BAHCC1: variants seen among roughly 807,000 people sequenced by gnomAD.
The protein encoded by BAHCC1 is BAH domain and coiled-coil containing 1.
In BAHCC1, 43 loss-of-function variants were observed where a neutral mutation model predicts 88.2. The observed-to-expected ratio is 0.49, with a 90% confidence interval of 0.38 to 0.63. The LOEUF (loss-of-function observed/expected upper bound fraction) is 0.63. Among genes scored for constraint, BAHCC1 ranks in the 20% least tolerant of loss-of-function variants. The pLI is 0.00. For missense variants in BAHCC1, 3,023 were observed against 1,654.8 expected, an observed-to-expected ratio of 1.83 and a Z score of -14.34; for synonymous variants, 1,510 against 745.5, an observed-to-expected ratio of 2.03 and a Z score of -16.71.
chr17:81,397,406 A>C (rs1186275782), intron 1 of BAHCC1, among the ~76,000 whole-genome samples: 4 of 150,274 alleles, frequency 2.7e-5, no homozygotes, highest in African/African-American at 9.8e-5. Flanking sequence ...AAAAAAAAAA[A>C]AAAAAACAAC....
intron 2 of BAHCC1, chr17:81,407,211 G>T (rs1018164492): frequency 2.5e-6 from 1 of 407,810 alleles, no homozygotes; most frequent in Non-Finnish European, 4.9e-6. Flanking sequence ...AGAAATGGGG[G>T]ATGGGTGTGC....
intron 2 of BAHCC1, among the ~76,000 whole-genome samples, chr17:81,407,601 G>A (rs1379452326): frequency 6.6e-6 from 1 of 152,226 alleles, no homozygotes; most frequent in Non-Finnish European, 1.5e-5. Context: ...AAGGGGCTGC[G>A]CTGTGGGGCA....
intron 2 of BAHCC1, among the ~76,000 whole-genome samples, chr17:81,416,149 T>C (rs1288257762): frequency 7.0e-6 from 1 of 142,860 alleles, no homozygotes; most frequent in Non-Finnish European, 1.5e-5. Context: ...CGTGTGTCCA[T>C]GAGGATGGGT....
chr17:81,449,023 C>T (rs918897357), intron 11 of BAHCC1, among the ~76,000 whole-genome samples: 1 of 152,198 alleles, frequency 6.6e-6, no homozygotes, highest in African/African-American at 2.4e-5. Flanking sequence ...CATGAGGAGG[C>T]GTCAGTAGAT....
rs539582126 is a variant in BAHCC1 at position 81,458,443 on chromosome 17, A to C, written c.5320A>C (p.Thr1774Pro). 3.3e-4 allele frequency: 243 copies of C among 732,254 alleles called. 3 individuals are homozygous for C. The highest frequency in any genetic ancestry group is 3.3e-3 in the South Asian group (227 of 68,698). The allele number at this position is 732,254 out of a possible 1,614,324, so 45.4% of individuals were successfully genotyped here. A position where few individuals can be genotyped will look rare whatever the true frequency, so the allele number is the denominator to read the frequency against. Residue 1774 changes from threonine to proline, a missense_variant, in exon 18 of 28, where the codon ACA becomes CCA. Physicochemically the swap from Thr to Pro is conservative, Grantham distance 38 (BLOSUM62 -1). Transcript: ENST00000675386. Reference protein sequence around the residue: ...ERLKRATRKGTVLQPVLRRKN... With the variant: ...ERLKRATRKGPVLQPVLRRKN... ...CCTCAAGAGGGCCACGCGCAAGGGC[A>C]CAGTGCTGCAGCCAGTGCTGCGGGT...
At chr17:81,407,825 A>G (rs909413728) in intron 2 of BAHCC1, among the ~76,000 whole-genome samples, 4 of 152,186 alleles carry the variant, frequency 2.6e-5, no homozygotes, top group Admixed American at 1.3e-4. Context: ...TGCTCACACC[A>G]TGAGGCAGGT....
In BAHCC1 at chr17:81,451,835, C is replaced by T; in HGVS notation, c.4144C>T (p.Gln1382Ter). 1 of 753,744 alleles carries T rather than the reference C, an allele frequency of 1.3e-6. No homozygotes were observed. The highest frequency in any genetic ancestry group is 2.4e-6 in the Non-Finnish European group (1 of 412,720). 46.7% of individuals were successfully genotyped at this position (753,744 alleles called of 1,614,324 possible). A position where few individuals can be genotyped will look rare whatever the true frequency, so the allele number is the denominator to read the frequency against. ...GCTCACCCCCCGCATGCAGATCCTGCAGCGCAAGGACACCTGGACCCCCAA... is the reference window on the plus strand; with the variant it reads ...GCTCACCCCCCGCATGCAGATCCTGTAGCGCAAGGACACCTGGACCCCCAA... ...PRLTPRMQIL[Q>*]RKDTWTPKTK... Residue 1382 changes from glutamine to a stop codon, truncating the protein, a stop_gained, in exon 12 of 28, where the codon CAG (glutamine) becomes TAG (stop). Coordinates refer to ENST00000675386, the MANE Select transcript of BAHCC1 (RefSeq NM_001377448.1). LOFTEE classifies it high-confidence loss of function.
In BAHCC1 at chr17:81,442,000, C is replaced by T. The variant is rs781895622; in HGVS notation, c.651C>T (p.Arg217=). ...AGAAGGGCCCCAAGGACTTCGACCG[C>T]TTCCTCGTGGGCAAAGAGCTGGGCA... ...SLQKGPKDFD[R]FLVGKELGRE... is the part of the protein sequence containing the mutation. The change falls in exon 5 of 28, where the codon CGC becomes CGT. Residue 217 remains arginine (R), a synonymous_variant. Coordinates refer to ENST00000675386, the MANE Select transcript of BAHCC1 (RefSeq NM_001377448.1). The T allele has an allele frequency of 1.3e-6, 1 of 742,290 alleles. No individual in the cohort carries two copies. Among genetic ancestry groups the T allele is most frequent in the Admixed American group, 1.8e-5 (1 of 54,630 alleles). The allele number at this position is 742,290 out of a possible 1,614,324, so 46.0% of individuals were successfully genotyped here. A position where few individuals can be genotyped will look rare whatever the true frequency, so the allele number is the denominator to read the frequency against.
In BAHCC1 at chr17:81,411,538, T is replaced by G. The variant is rs1170080922; in HGVS notation, c.178+11621T>G. The stretch of plus-strand genomic sequence containing the variant: ...TGCCTTCCTTCCTTCCTTCCTTCCT[T>G]CCTTCCTTCCTTCCTTCCTTCCTTC... On this transcript the variant is annotated intron_variant, in intron 2 of 27. Transcript: ENST00000675386. The surrounding 1 kb of genome is among the most constrained non-coding windows in gnomAD (Gnocchi z 6.2). 91 of 373,906 alleles carry G rather than the reference T, an allele frequency of 2.4e-4. No homozygotes were observed. Among genetic ancestry groups the G allele is most frequent in the East Asian group, 8.3e-4 (11 of 13,264 alleles). The allele number at this position is 373,906 out of a possible 1,614,324, so 23.2% of individuals were successfully genotyped here.
chr17:81,414,452 A>G (rs1214051344), intron 2 of BAHCC1, among the ~76,000 whole-genome samples: 1 of 152,134 alleles, frequency 6.6e-6, no homozygotes, highest in Non-Finnish European at 1.5e-5. Context: ...GCCGGACCTC[A>G]CCAGGGCCTT....
intron 2 of BAHCC1, among the ~76,000 whole-genome samples, chr17:81,418,074 C>A (rs1333992990): frequency 2.0e-5 from 3 of 152,238 alleles, no homozygotes; most frequent in Admixed American, 2.0e-4. Flanking sequence ...GGCCAAGGCA[C>A]CCTCAGACAC....
intron 1 of BAHCC1, chr17:81,396,498 G>A (rs1053298654): frequency 6.6e-6 from 1 of 152,148 alleles, no homozygotes; most frequent in African/African-American, 2.4e-5. Flanking sequence ...GTTTCGCAGG[G>A]AGCGGGTTCT....
In BAHCC1 at chr17:81,461,785, G is replaced by A. The variant is rs782401170; in HGVS notation, c.7122G>A (p.Glu2374=). 1 of 716,090 alleles carries A rather than the reference G, an allele frequency of 1.4e-6. No individual in the cohort carries two copies. Among genetic ancestry groups the A allele is most frequent in the African/African-American group, 1.7e-5 (1 of 57,354 alleles). 44.4% of individuals were successfully genotyped at this position (716,090 alleles called of 1,614,324 possible). A position where few individuals can be genotyped will look rare whatever the true frequency, so the allele number is the denominator to read the frequency against. ...TGCCCACCCTCCTGGCCCAGCCCGA[G>A]GCCCTGCGCTCCAAGGGCAGCGGCC... ...HPVPTLLAQP[E]ALRSKGSGPH... Residue 2374 remains glutamate (E), a synonymous_variant, in exon 26 of 28, where the codon GAG becomes GAA. Coordinates refer to ENST00000675386, the MANE Select transcript of BAHCC1 (RefSeq NM_001377448.1).
At chr17:81,430,426 C>T (rs1489105118) in intron 3 of BAHCC1, among the ~76,000 whole-genome samples, 2 of 152,134 alleles carry the variant, frequency 1.3e-5, no homozygotes, top group Non-Finnish European at 2.9e-5. Context: ...GCCTCTTGGT[C>T]AGAACCACGC....
At chr17:81,414,263 A>G (rs1356783055) in intron 2 of BAHCC1, among the ~76,000 whole-genome samples, 11 of 152,170 alleles carry the variant, frequency 7.2e-5, no homozygotes, top group Non-Finnish European at 1.3e-4. Flanking sequence ...GCGAGGGCCA[A>G]TGCCTGGCGC....
rs1420129984 is a variant in BAHCC1, at chr17:81,434,506, C to G, written c.359-3864C>G. On this transcript the variant is annotated intron_variant, in intron 3 of 27. Coordinates refer to ENST00000675386, the MANE Select transcript of BAHCC1 (RefSeq NM_001377448.1). This position sits in a 1 kb window ranked among gnomAD's most constrained non-coding sequence, Gnocchi z 4.9. Reference sequence around the variant, plus strand: ...GCGCTCGAGGTGTGCTTCAGCACCCCCAGAAGTTTGCTGAGCCTGCAGCAT... The same window carrying G: ...GCGCTCGAGGTGTGCTTCAGCACCCGCAGAAGTTTGCTGAGCCTGCAGCAT... Among the ~76,000 whole-genome samples, 2 of 152,052 alleles carry G rather than the reference C, an allele frequency of 1.3e-5. No homozygotes were observed. Among genetic ancestry groups the G allele is most frequent in the African/African-American group, 4.8e-5 (2 of 41,404 alleles).
chr17:81,439,132 G>A (rs1435394088), intron 4 of BAHCC1, among the ~76,000 whole-genome samples: 2 of 152,226 alleles, frequency 1.3e-5, no homozygotes, highest in Non-Finnish European at 2.9e-5. Context: ...CCGAGTCCTG[G>A]TGCCAGCGAG....
rs369663053 is a variant in BAHCC1 at position 81,444,907 on chromosome 17, T to G, written c.2671+81T>G. Reference sequence around the variant, plus strand: ...CAGCCGGGGGTGTGCTGGCCAGGGCTCAGGAGGGAGCGGTGGGCTTGGTGG... The same window carrying G: ...CAGCCGGGGGTGTGCTGGCCAGGGCGCAGGAGGGAGCGGTGGGCTTGGTGG... On this transcript the variant is annotated intron_variant, in intron 8 of 27. Transcript: ENST00000675386. 270 of 702,746 alleles carry G rather than the reference T, an allele frequency of 3.8e-4. No individual in the cohort carries two copies. The African/African-American group carries it at 4.2e-3, about 11-fold the overall frequency. 43.5% of individuals were successfully genotyped at this position (702,746 alleles called of 1,614,324 possible). A position where few individuals can be genotyped will look rare whatever the true frequency, so the allele number is the denominator to read the frequency against.
At chr17:81,449,372 C>T (rs1005521025) in intron 11 of BAHCC1, among the ~76,000 whole-genome samples, 2 of 151,976 alleles carry the variant, frequency 1.3e-5, no homozygotes, top group Admixed American at 6.5e-5. Context: ...ACAAGTGTAG[C>T]GATCACTTCA....
Sources: allele counts gnomAD v4.1 joint callset (sites outside exome capture counted in the v4.1 genomes callset), GRCh38; gene constraint gnomAD v4.1.1; non-coding constraint Gnocchi (gnomAD v3.1); transcripts MANE v1.5; gene names NCBI Gene and HGNC (gene_info 2026-07-23, HGNC 2026-07-21).